The following BPTF variants were observed in gnomAD, a reference collection of about 807,000 sequenced individuals.
BPTF encodes nucleosome-remodeling factor subunit BPTF.
Under a neutral mutation model 292.5 loss-of-function variants are expected in BPTF, and 18 were observed. That is an observed-to-expected ratio of 0.06 (90% confidence interval 0.04 to 0.09). The LOEUF (loss-of-function observed/expected upper bound fraction) is 0.09, where lower values mean the gene tolerates loss of function less well. Among genes scored for constraint, BPTF ranks in the 10% least tolerant of loss-of-function variants. The probability of loss-of-function intolerance (pLI) is 1.00; values close to 1 mark genes in which losing one functional copy is unlikely to be tolerated. For missense variants in BPTF, 2,726 were observed against 3,498.7 expected (o/e 0.78, Z 5.57); for synonymous variants, 1,225 against 1,251.9 (o/e 0.98, Z 0.45).
intron 1 of BPTF, among the ~76,000 whole-genome samples, chr17:67,838,380 C>G (rs1239232590): frequency 6.6e-6 from 1 of 152,150 alleles, no homozygotes; most frequent in Non-Finnish European, 1.5e-5. Flanking sequence ...TGCTTCTTCT[C>G]TTTATCAGGA....
intron 4 of BPTF, among the ~76,000 whole-genome samples, chr17:67,877,760 AG>A (rs1283304485): frequency 6.6e-6 from 1 of 152,118 alleles, no homozygotes; most frequent in Non-Finnish European, 1.5e-5. Context: ...CTGAGACTAC[AG>A]GTGTGCACCA....
At chr17:67,966,040 G>A (rs1257447971) in intron 25 of BPTF, 1 of 156,030 alleles carries the variant, frequency 6.4e-6, no homozygotes, top group Non-Finnish European at 1.4e-5. Flanking sequence ...GAATGACAGA[G>A]CGAGACCCTG....
chr17:67,923,776 G>A lies in BPTF; in HGVS notation c.5709-771G>A, dbSNP rs548036086. ...ATTACAAGTGTGAGCCACCGCGCCC[G>A]GCCCTCTCTCTTATTTTTAATGTGT... On this transcript the variant is annotated intron_variant, in intron 14 of 27. Transcript: ENST00000306378. Among the ~76,000 whole-genome samples, 42 of 151,810 alleles carry A rather than the reference G, an allele frequency of 2.8e-4. No individual in the cohort carries two copies. In the South Asian group the frequency reaches 8.3e-3, roughly 30 times the overall value.
intron 26 of BPTF, among the ~76,000 whole-genome samples, chr17:67,967,559 C>T (rs12938781): frequency 0.88 from 134,095 of 151,964 alleles, 61,598 homozygotes; most frequent in East Asian, 1. Context: ...GGGTGGCTCA[C>T]GCTGGAATCC....
At chr17:67,877,301 AG>A (rs2060109838) in intron 4 of BPTF, among the ~76,000 whole-genome samples, 1 of 152,138 alleles carries the variant, frequency 6.6e-6, no homozygotes, top group African/African-American at 2.4e-5. Flanking sequence ...CTCTCTATGC[AG>A]TTATTTATTC....
intron 2 of BPTF, among the ~76,000 whole-genome samples, chr17:67,858,128 G>C (rs536095980): frequency 6.6e-6 from 1 of 152,192 alleles, no homozygotes; most frequent in Non-Finnish European, 1.5e-5. Context: ...TTTCAGGAGG[G>C]AACAAAATGA....
At chr17:67,925,992 CTTTTTTTTT>C (rs60083535) in intron 15 of BPTF, among the ~76,000 whole-genome samples, 20 of 56,650 alleles carry the variant, frequency 3.5e-4, no homozygotes, top group South Asian at 1.1e-3. Flanking sequence ...TAACATATTA[CTTTTTTTTT>C]TTTTTTTTTT....
At chr17:67,970,277 C>CT (rs2068623179) in intron 26 of BPTF, among the ~76,000 whole-genome samples, 1 of 151,930 alleles carries the variant, frequency 6.6e-6, no homozygotes, top group African/African-American at 2.4e-5. Context: ...TGCCTCATGC[C>CT]TGTGGTCCCA....
At chr17:67,840,787 T>C (rs1227847780) in intron 1 of BPTF, among the ~76,000 whole-genome samples, 4 of 151,864 alleles carry the variant, frequency 2.6e-5, no homozygotes, top group Non-Finnish European at 4.4e-5. Context: ...GGTCTTGAAC[T>C]CCTGAGCTCA....
intron 13 of BPTF, 39 bp downstream of exon 13, chr17:67,920,182 T>C: frequency 6.4e-7 from 1 of 1,563,678 alleles, no homozygotes; most frequent in Non-Finnish European, 8.7e-7. Flanking sequence ...ATTAACCTGT[T>C]AACCATGTAT....
In BPTF at chr17:67,964,411, C is replaced by A; in HGVS notation, c.8454+7C>A. On this transcript the variant is annotated splice_region_variant and intron_variant, in intron 25 of 27. Transcript: ENST00000306378. The stretch of plus-strand genomic sequence containing the variant: ...GGTGCTCCGTTCCTTACAGGTGAGA[C>A]CCCTCTGTGTGCAGCATTTCAAAAT... The A allele has an allele frequency of 6.2e-7, 1 of 1,601,980 alleles. No individual in the cohort carries two copies. The highest frequency in any genetic ancestry group is 8.5e-7 in the Non-Finnish European group (1 of 1,170,530).
Position 67,913,194 on chromosome 17 carries a change from A to T in BPTF, c.5303+7A>T. 2 of 1,563,234 alleles carry T rather than the reference A, an allele frequency of 1.3e-6. No homozygotes were observed. Among genetic ancestry groups the T allele is most frequent in the Non-Finnish European group, 1.7e-6 (2 of 1,159,804 alleles). On this transcript the variant is annotated splice_region_variant and intron_variant, in intron 11 of 27. Transcript: ENST00000306378. ...CCTTTGGCATCACTTGGAGGTATGTACTTTAAAATGTATTTGGGGGAGGGA... is the reference window on the plus strand; with the variant it reads ...CCTTTGGCATCACTTGGAGGTATGTTCTTTAAAATGTATTTGGGGGAGGGA...
chr17:67,948,808 C>T (rs781934700), intron 23 of BPTF, among the ~76,000 whole-genome samples: 28 of 152,058 alleles, frequency 1.8e-4, no homozygotes, highest in Admixed American at 5.9e-4. Context: ...GCCAACATGG[C>T]GAGACCTCAT....
intron 26 of BPTF, among the ~76,000 whole-genome samples, chr17:67,970,933 G>C (rs74440135): frequency 6.6e-6 from 1 of 152,146 alleles, no homozygotes; most frequent in African/African-American, 2.4e-5. Context: ...CAGTCTCCAG[G>C]TGAAAGGGTC....
Position 67,945,955 on chromosome 17 carries a change from C to A in BPTF, c.7247C>A (p.Ser2416Ter), listed in dbSNP as rs782543818. The change falls in exon 21 of 28, where the codon TCA becomes TAA. Residue 2416 changes from serine (S) to a stop codon, truncating the protein, a stop_gained. Coordinates refer to ENST00000306378, the MANE Select transcript of BPTF (RefSeq NM_182641.4). LOFTEE classifies it high-confidence loss of function. ...SGQTLNQVTVSSPSRPQLQIQ... is the reference protein window; with the variant it reads ...SGQTLNQVTV ...CAAACTTTAAATCAAGTTACTGTTT[C>A]ATCCCCATCCCGTCCTCAGCTACAA... 1 of 1,614,076 alleles carries A rather than the reference C, an allele frequency of 6.2e-7. No homozygotes were observed. The highest frequency in any genetic ancestry group is 1.3e-5 in the African/African-American group (1 of 74,926).
At chr17:67,919,227 A>G (rs1334377670) in intron 12 of BPTF, among the ~76,000 whole-genome samples, 3 of 148,894 alleles carry the variant, frequency 2.0e-5, no homozygotes, top group Non-Finnish European at 4.5e-5. Flanking sequence ...ATAAAATATA[A>G]TGCTTGTTTT....
chr17:67,960,396 C>T (rs1210424612), intron 24 of BPTF: 1 of 152,144 alleles, frequency 6.6e-6, no homozygotes, highest in Non-Finnish European at 1.5e-5. Flanking sequence ...AAAGTTTCCA[C>T]TTTCTTATCA....
At chr17:67,976,435 T>A (rs2069427196) in intron 27 of BPTF, among the ~76,000 whole-genome samples, 1 of 152,202 alleles carries the variant, frequency 6.6e-6, no homozygotes, top group African/African-American at 2.4e-5. Context: ...ATCACACCAC[T>A]GCATTCCAGC....
intron 4 of BPTF, among the ~76,000 whole-genome samples, chr17:67,881,305 A>G (rs917384411): frequency 2.4e-4 from 37 of 152,076 alleles, no homozygotes; most frequent in African/African-American, 5.3e-4. Context: ...TTCAGTTTCA[A>G]CTGTCTTTGG....
Sources: gnomAD v4.1 joint callset for allele counts (sites outside exome capture counted in the v4.1 genomes callset) on GRCh38, gnomAD v4.1.1 for gene constraint, MANE v1.5 for transcripts, NCBI Gene and HGNC (gene_info 2026-07-23, HGNC 2026-07-21) for gene names.